The following GATB variants were observed in gnomAD, a reference collection of about 807,000 sequenced individuals.
GATB encodes the protein glutamyl-tRNA(Gln) amidotransferase subunit B, mitochondrial.
A neutral mutation model predicts 62.3 loss-of-function variants in GATB; 39 were observed. The ratio of observed to expected loss-of-function variants is 0.63; its 90% confidence interval spans 0.48 to 0.82. GATB has a LOEUF of 0.82. Ranked by LOEUF, GATB falls within the 40% of genes least tolerant of loss-of-function variation. GATB has a pLI of 0.00. For synonymous variants in GATB, 276 were observed against 258.9 expected (o/e 1.07, Z -0.63); for missense variants, 670 against 684.0 (o/e 0.98, Z 0.23).
At chr4:151,720,493 A>G (rs1215452830) in intron 2 of GATB, 1 of 152,100 alleles carries the variant, frequency 6.6e-6, no homozygotes, top group East Asian at 1.9e-4. Flanking sequence ...CTTTGGGACA[A>G]TTTTGGAGGA....
chr4:151,724,814 G>C (rs1739104332), intron 2 of GATB, among the ~76,000 whole-genome samples: 1 of 151,976 alleles, frequency 6.6e-6, no homozygotes, highest in African/African-American at 2.4e-5. Flanking sequence ...AGTTCCCTGA[G>C]GGCAATCAGG....
chr4:151,671,562 C>T (rs1394091524), intron 12 of GATB, among the ~76,000 whole-genome samples: 1 of 152,118 alleles, frequency 6.6e-6, no homozygotes, highest in Admixed American at 6.5e-5. Flanking sequence ...GAAGCTGGCA[C>T]GTGGGAGCCA....
intron 2 of GATB, among the ~76,000 whole-genome samples, chr4:151,742,582 T>C (rs1386452094): frequency 6.6e-6 from 1 of 152,220 alleles, no homozygotes; most frequent in Non-Finnish European, 1.5e-5. Context: ...TATGGGAGTC[T>C]GCCCTAAGAA....
At chr4:151,760,329 C>T (rs1442442875) in intron 1 of GATB, among the ~76,000 whole-genome samples, 1 of 152,174 alleles carries the variant, frequency 6.6e-6, no homozygotes, top group African/African-American at 2.4e-5. Context: ...CATATTCCAA[C>T]ATAAAACGCC....
intron 2 of GATB, chr4:151,721,362 G>T (rs1469641361): frequency 6.6e-6 from 1 of 152,254 alleles, no homozygotes; most frequent in African/African-American, 2.4e-5. Flanking sequence ...TTTCTATTTG[G>T]AGTTCTTCAT....
At chr4:151,683,710 A>G (rs1343369835) in intron 10 of GATB, among the ~76,000 whole-genome samples, 1 of 152,206 alleles carries the variant, frequency 6.6e-6, no homozygotes, top group East Asian at 1.9e-4. Context: ...CTTTGTTTTA[A>G]CAAAGGTAAA....
At position 151,722,055 on chromosome 4, in the gene GATB, A is replaced by AG. The variant is rs1164769630; in HGVS notation, c.328-2518dup. On this transcript the variant is annotated intron_variant, in intron 2 of 12. Transcript: ENST00000263985. ...CAGTCATCACACGTTACAGATGCAC[A>AG]GAGGGCCCAGTAAACAGAGAGTGTC... 9.7e-6 allele frequency: 6 copies of AG among 620,912 alleles called. No individual in the cohort carries two copies. The African/African-American group carries it at 1.1e-4, about 11-fold the overall frequency. 38.5% of individuals were successfully genotyped at this position (620,912 alleles called of 1,614,324 possible).
chr4:151,689,527 C>T (rs1456441900), intron 9 of GATB, among the ~76,000 whole-genome samples: 1 of 152,172 alleles, frequency 6.6e-6, no homozygotes, highest in East Asian at 1.9e-4. Flanking sequence ...ACTGTCAGCC[C>T]CACGAGTCAG....
chr4:151,724,253 G>T (rs912948854), intron 2 of GATB: 1 of 152,062 alleles, frequency 6.6e-6, no homozygotes, highest in African/African-American at 2.4e-5. Flanking sequence ...AACATTTCTT[G>T]ATTTTTCCCC....
At chr4:151,677,229 A>C (rs1018975138) in intron 11 of GATB, 9 of 152,246 alleles carry the variant, frequency 5.9e-5, no homozygotes, top group African/African-American at 2.2e-4. Flanking sequence ...TTGGAAAAAA[A>C]TATCTGTAAC....
At chr4:151,749,478 G>A (rs1460200642) in intron 2 of GATB, among the ~76,000 whole-genome samples, 3 of 149,226 alleles carry the variant, frequency 2.0e-5, no homozygotes, top group African/African-American at 7.5e-5. Context: ...CTTGGACACA[G>A]GAAGGGGAAC....
At chr4:151,681,695 C>A (rs147300072) in intron 10 of GATB, among the ~76,000 whole-genome samples, 1 of 152,132 alleles carries the variant, frequency 6.6e-6, no homozygotes, top group South Asian at 2.1e-4. Flanking sequence ...AGGTTAGTAC[C>A]AAAGACGACA....
chr4:151,679,985 G>GTCCGCTATTTACCCCCACTA, intron 10 of GATB, 94 bp from the exon 11 acceptor site: 1 of 1,103,890 alleles, frequency 9.1e-7, no homozygotes, highest in Non-Finnish European at 1.4e-6. Flanking sequence ...GCTCTAGTGG[G>GTCCGCTATTTACCCCCACTA]GGTAAATATC....
chr4:151,690,181 T>C (rs1208652674), intron 9 of GATB, among the ~76,000 whole-genome samples: 2 of 152,218 alleles, frequency 1.3e-5, no homozygotes, highest in Non-Finnish European at 2.9e-5. Flanking sequence ...TCTCCAAGTG[T>C]AGCTATTGCA....
intron 2 of GATB, among the ~76,000 whole-genome samples, chr4:151,742,721 G>A (rs929333181): frequency 5.3e-5 from 8 of 152,102 alleles, no homozygotes; most frequent in Non-Finnish European, 8.8e-5. Flanking sequence ...AAAAGCCAAT[G>A]CAAAAGTGCT....
intron 2 of GATB, among the ~76,000 whole-genome samples, chr4:151,747,499 T>C (rs1210947708): frequency 1.3e-5 from 2 of 152,152 alleles, no homozygotes; most frequent in East Asian, 3.9e-4. Context: ...TACAAACCGG[T>C]TCATTCAATA....
In GATB at chr4:151,730,015, ACT is replaced by A. The variant is rs1367413032; in HGVS notation, c.328-10479_328-10478del. ...ACAGGACCCGGGAGACACCCCAAAT[ACT>A]CTGGGAAGTGGAAAGCCTCAGGCAA... On this transcript the variant is annotated intron_variant, in intron 2 of 12. Coordinates refer to ENST00000263985, the MANE Select transcript of GATB (RefSeq NM_004564.3). The surrounding 1 kb of genome is among the most constrained non-coding windows in gnomAD (Gnocchi z 4.1). Among the ~76,000 whole-genome samples, 16 of 152,042 alleles carry A rather than the reference ACT, an allele frequency of 1.1e-4. 1 individual carries two copies. In the East Asian group the frequency reaches 3.1e-3, roughly 29 times the overall value.
intron 2 of GATB, among the ~76,000 whole-genome samples, chr4:151,728,735 T>G (rs992570553): frequency 7.2e-5 from 11 of 152,338 alleles, no homozygotes; most frequent in African/African-American, 2.4e-4. Flanking sequence ...ATTAATTTCA[T>G]GACTGAAAAG....
chr4:151,679,953 G>A, intron 10 of GATB, 62 bp from the exon 11 acceptor site: 2 of 1,456,356 alleles, frequency 1.4e-6, no homozygotes, highest in Non-Finnish European at 1.9e-6. Context: ...TCCATGAATG[G>A]CTGTTCGGAA....
Sources: gnomAD v4.1 joint callset for allele counts (sites outside exome capture counted in the v4.1 genomes callset) on GRCh38, gnomAD v4.1.1 for gene constraint, Gnocchi (gnomAD v3.1) non-coding constraint, MANE v1.5 for transcripts, NCBI Gene and HGNC (gene_info 2026-07-23, HGNC 2026-07-21) for gene names.